Variants in LYST observed in about 807,000 individuals in gnomAD.
The protein encoded by LYST is lysosomal-trafficking regulator.
A neutral mutation model predicts 413.6 loss-of-function variants in LYST; 192 were observed. The ratio of observed to expected loss-of-function variants is 0.46; its 90% CI spans 0.41 to 0.52. The LOEUF (loss-of-function observed/expected upper bound fraction) is 0.52. LYST is among the 20% of genes least tolerant of loss of function. The pLI is 0.00. For missense variants in LYST, 3,815 were observed against 4,499.9 expected, an observed-to-expected ratio of 0.85 and a Z score of 4.35; for synonymous variants, 1,525 against 1,567.3, an observed-to-expected ratio of 0.97 and a Z score of 0.64.
intron 1 of LYST, among the ~76,000 whole-genome samples, chr1:235,881,728 G>C (rs1681383704): frequency 1.3e-5 from 2 of 152,134 alleles, no homozygotes; most frequent in African/African-American, 4.8e-5. Context: ...CTACAACATG[G>C]ATGAATCTTG....
chr1:235,720,610 A>G (rs576750858), intron 40 of LYST, 51 bp downstream of exon 40: 1 of 1,586,448 alleles, frequency 6.3e-7, no homozygotes, highest in South Asian at 1.1e-5. Flanking sequence ...TAATAAAGAA[A>G]TACAACATAT....
intron 6 of LYST, among the ~76,000 whole-genome samples, chr1:235,805,209 TAGG>T (rs1672681079): frequency 1.3e-5 from 2 of 152,144 alleles, no homozygotes; most frequent in East Asian, 1.9e-4. Flanking sequence ...CAGAAGAGGT[TAGG>T]AGAAGAATCT....
intron 48 of LYST, among the ~76,000 whole-genome samples, chr1:235,680,253 G>C (rs1459743686): frequency 6.6e-6 from 1 of 152,008 alleles, no homozygotes; most frequent in Non-Finnish European, 1.5e-5. Flanking sequence ...TCATAGTTTT[G>C]TTTATTTGTT....
chr1:235,701,999 C>T (rs180969423), intron 45 of LYST, among the ~76,000 whole-genome samples: 158 of 152,308 alleles, frequency 1.0e-3, no homozygotes, highest in African/African-American at 3.7e-3. Context: ...AAATAGGTCA[C>T]AGATTACTGC....
At chr1:235,777,008 T>C (rs2103455015) in intron 17 of LYST, 55 bp downstream of exon 17, 2 of 1,513,356 alleles carry the variant, frequency 1.3e-6, no homozygotes, top group Admixed American at 1.7e-5. Flanking sequence ...CTTTAATTTA[T>C]CAATAATAAG....
At chr1:235,734,854 C>T (rs532628324) in intron 31 of LYST, 195 bp from the exon 32 acceptor site, 3 of 449,728 alleles carry the variant, frequency 6.7e-6, no homozygotes, top group South Asian at 4.3e-5. Context: ...AGGATTAATG[C>T]TAATTTTGTT....
rs749776565 is a variant in LYST, at chr1:235,881,745, T to A, written n.454+1442A>T. Among the ~76,000 whole-genome samples, 38 of 152,174 alleles carry A rather than the reference T, an allele frequency of 2.5e-4. 1 individual carries two copies. Among genetic ancestry groups the A allele is most frequent in the Admixed American group, 7.2e-4 (11 of 15,268 alleles). ...ACAACATGGATGAATCTTGAAGGTA[T>A]GCTGCTGAGTGAAAAAAGCCTCTCA... On this transcript the variant is annotated intron_variant and non_coding_transcript_variant, in intron 1 of 11. Coordinates refer to the LYST transcript ENST00000465349.
At chr1:235,855,472 C>T (rs1322295462) in intron 1 of LYST, among the ~76,000 whole-genome samples, 4 of 152,106 alleles carry the variant, frequency 2.6e-5, no homozygotes, top group Non-Finnish European at 4.4e-5. Flanking sequence ...AAACCAAAAA[C>T]CTTCAGCAAT....
At chr1:235,880,494 C>T (rs1303470618) in intron 1 of LYST, among the ~76,000 whole-genome samples, 1 of 152,172 alleles carries the variant, frequency 6.6e-6, no homozygotes, top group Non-Finnish European at 1.5e-5. Flanking sequence ...CTTTGCCACA[C>T]CTAATATGTA....
intron 14 of LYST, among the ~76,000 whole-genome samples, chr1:235,782,952 C>T (rs1180740740): frequency 1.3e-5 from 2 of 152,048 alleles, no homozygotes; most frequent in Admixed American, 6.6e-5. Context: ...TCATGGATAA[C>T]GGTGAAGGAA....
chr1:235,820,235 C>T (rs963789435), intron 3 of LYST, among the ~76,000 whole-genome samples: 8 of 152,156 alleles, frequency 5.3e-5, no homozygotes, highest in Non-Finnish European at 7.3e-5. Flanking sequence ...GATCACAAAC[C>T]GGACTGATGT....
At chr1:235,823,625 C>T (rs1373653645) in intron 3 of LYST, among the ~76,000 whole-genome samples, 1 of 152,226 alleles carries the variant, frequency 6.6e-6, no homozygotes, top group Non-Finnish European at 1.5e-5. Context: ...CCCGTTTTAC[C>T]AAAAGCAAAG....
intron 1 of LYST, among the ~76,000 whole-genome samples, chr1:235,862,848 C>CACACACACACACACACACAT (rs36022107): frequency 6.8e-6 from 1 of 146,392 alleles, no homozygotes; most frequent in Non-Finnish European, 1.5e-5. Context: ...CACACACACA[C>CACACACACACACACACACAT]CCCTTCAAGA....
At chr1:235,779,775 C>G (rs1669661024) in intron 16 of LYST, among the ~76,000 whole-genome samples, 1 of 152,148 alleles carries the variant, frequency 6.6e-6, no homozygotes, top group Non-Finnish European at 1.5e-5. Context: ...TCTACCCTCC[C>G]CGCAACTCAA....
intron 4 of LYST, among the ~76,000 whole-genome samples, chr1:235,812,120 T>C (rs966731894): frequency 2.0e-5 from 3 of 152,136 alleles, no homozygotes; most frequent in Non-Finnish European, 2.9e-5. Flanking sequence ...ATGTACTTTA[T>C]AGACATATGA....
In LYST at chr1:235,849,775, CAAAAAA is replaced by C. The variant is rs57262471; in HGVS notation, c.-97-16114_-97-16109del. 2.7e-3 allele frequency among the ~76,000 whole-genome samples: 169 copies of C among 61,830 alleles called. 1 individual carries two copies. The highest frequency in any genetic ancestry group is 8.9e-3 in the African/African-American group (159 of 17,918). 40.6% of individuals were successfully genotyped at this position (61,830 alleles called of 152,430 possible). A position where few individuals can be genotyped will look rare whatever the true frequency, so the allele number is the denominator to read the frequency against. ...AACTCAACCCCTTTTACAATAGCTC[CAAAAAA>C]AAAAAAAAAAAAAAAAACTTAGGAA... On this transcript the variant is annotated intron_variant, in intron 1 of 52. Coordinates refer to ENST00000389793, the MANE Select transcript of LYST (RefSeq NM_000081.4).
chr1:235,744,034 T>C lies in LYST; in HGVS notation c.8096A>G (p.Asn2699Ser). 5 of 1,573,202 alleles carry C rather than the reference T, an allele frequency of 3.2e-6. 1 individual carries two copies. In the South Asian group the frequency reaches 3.3e-5, roughly 10 times the overall value. ...TGTAAAAATTTCTTTCTGAAATGGA[T>C]TGAAAACAGAAGACTGTTCATGATG... ...NIHHEQSSVF[N>S]PFQKEIFTYL... Residue 2699 changes from asparagine (N) to serine (S), a missense_variant, in exon 30 of 53, where the codon AAT (asparagine) becomes AGT (serine). Asn to Ser is a conservative substitution (Grantham distance 46). Around this residue, in one of 4 missense-constraint regions of LYST, gnomAD observed 771 missense variants for 837.1 expected, o/e 0.92. Coordinates refer to ENST00000389793, the MANE Select transcript of LYST (RefSeq NM_000081.4).
In LYST at chr1:235,764,495, C is replaced by CTTTTTTTTTTTTTTTT. The variant is rs1020736833; in HGVS notation, c.6121+1568_6121+1583dup. On this transcript the variant is annotated intron_variant, in intron 21 of 52. Transcript: ENST00000389793. ...TACTACATTTCTTTTTTTTTCTTTT[C>CTTTTTTTTTTTTTTTT]TTTTTTTTTTTTTTTTTTTTTGAGA... Among the ~76,000 whole-genome samples, 118 of 97,914 alleles carry CTTTTTTTTTTTTTTTT rather than the reference C, an allele frequency of 1.2e-3. 1 individual carries two copies. Among genetic ancestry groups the CTTTTTTTTTTTTTTTT allele is most frequent in the African/African-American group, 1.9e-3 (42 of 22,308 alleles). 64.2% of individuals were successfully genotyped at this position (97,914 alleles called of 152,430 possible).
At chr1:235,709,448 T>C in intron 43 of LYST, 140 bp from the exon 44 acceptor site, 1 of 685,266 alleles carries the variant, frequency 1.5e-6, no homozygotes, top group Non-Finnish European at 2.5e-6. Flanking sequence ...GATTTACATT[T>C]TGAATAAGAA....
Sources: allele counts gnomAD v4.1 joint callset (sites outside exome capture counted in the v4.1 genomes callset), GRCh38; gene constraint gnomAD v4.1.1; regional missense constraint gnomAD v4.1.1; transcripts MANE v1.5; gene names NCBI Gene and HGNC (gene_info 2026-07-23, HGNC 2026-07-21).